Variants in CAT observed in about 807,000 individuals in gnomAD.
CAT encodes the protein epididymis secretory sperm binding protein.
Under a neutral mutation model 59.0 loss-of-function variants are expected in CAT, and 43 were observed. The observed-to-expected ratio is 0.73, with a 90% CI of 0.57 to 0.94. The LOEUF (loss-of-function observed/expected upper bound fraction) is 0.94. Ranked by LOEUF, CAT falls within the 40% of genes least tolerant of loss-of-function variation. The pLI, the probability that CAT is intolerant of heterozygous loss-of-function variation, is 0.00. For synonymous variants in CAT, 218 were observed against 230.9 expected (o/e 0.94, Z 0.51); for missense variants, 664 against 682.9 (o/e 0.97, Z 0.31).
intron 1 of CAT, among the ~76,000 whole-genome samples, chr11:34,439,296 TC>T (rs1303789391): frequency 6.6e-6 from 1 of 152,158 alleles, no homozygotes; most frequent in Non-Finnish European, 1.5e-5. Flanking sequence ...GGCTTTGTTG[TC>T]CGCGACAGGC....
intron 1 of CAT, among the ~76,000 whole-genome samples, chr11:34,443,879 C>T (rs1590298238): frequency 6.6e-6 from 1 of 152,216 alleles, no homozygotes; most frequent in East Asian, 1.9e-4. Flanking sequence ...AGTGACTTAA[C>T]CCTTGGTCCA....
At chr11:34,441,655 A>G (rs1856391881) in intron 1 of CAT, among the ~76,000 whole-genome samples, 1 of 152,148 alleles carries the variant, frequency 6.6e-6, no homozygotes, top group South Asian at 2.1e-4. Flanking sequence ...GTAGCCAGAC[A>G]TGGTGACACA....
Position 34,456,100 on chromosome 11 carries a change from CG to C in CAT, c.802del (p.Ala268ProfsTer17). Reference protein sequence around the residue: ...PDYGIRDLFNAIATGKYPSWT... With the variant: ...PDYGIRDLFNXIATGKYPSWT... ...ACTATGGCATCCGGGATCTTTTTAA[CG>C]CCATTGCCACAGGAAAGTACCCCTC... On this transcript the variant is annotated frameshift_variant, in exon 7 of 13. Coordinates refer to ENST00000241052, the MANE Select transcript of CAT (RefSeq NM_001752.4). LOFTEE classifies it high-confidence loss of function. 1 of 1,613,976 alleles carries C rather than the reference CG, an allele frequency of 6.2e-7. No homozygotes were observed. The highest frequency in any genetic ancestry group is 8.5e-7 in the Non-Finnish European group (1 of 1,179,900).
intron 9 of CAT, among the ~76,000 whole-genome samples, chr11:34,462,881 A>G (rs1039180422): frequency 7.2e-5 from 11 of 152,224 alleles, no homozygotes; most frequent in African/African-American, 2.7e-4. Context: ...TCAAAGAGCT[A>G]GTTCTTAATG....
intron 2 of CAT, among the ~76,000 whole-genome samples, chr11:34,450,462 G>T (rs1242599604): frequency 1.3e-5 from 2 of 152,196 alleles, no homozygotes; most frequent in Non-Finnish European, 2.9e-5. Flanking sequence ...CTCTTAGCTT[G>T]CTGACTTGGA....
chr11:34,471,062 C>A, intron 12 of CAT, 21 bp downstream of exon 12: 1 of 1,597,378 alleles, frequency 6.3e-7, no homozygotes, highest in Non-Finnish European at 8.6e-7. Flanking sequence ...AGCAGCCTGG[C>A]CATGCAGAGG....
At chr11:34,459,983 G>T (rs1429221742) in intron 8 of CAT, among the ~76,000 whole-genome samples, 1 of 152,178 alleles carries the variant, frequency 6.6e-6, no homozygotes, top group Non-Finnish European at 1.5e-5. Context: ...GCAAAATATT[G>T]ACAGAACACT....
intron 1 of CAT, among the ~76,000 whole-genome samples, chr11:34,444,630 G>A (rs961991289): frequency 2.6e-5 from 4 of 152,150 alleles, no homozygotes; most frequent in African/African-American, 9.7e-5. Context: ...GACTCCTCTG[G>A]GACTGATGGG....
At position 34,468,280 on chromosome 11, in the gene CAT, C is replaced by G. The variant is rs1162413691; in HGVS notation, c.1327-8C>G. On this transcript the variant is annotated splice_region_variant and splice_polypyrimidine_tract_variant and intron_variant, in intron 10 of 12. Coordinates refer to ENST00000241052, the MANE Select transcript of CAT (RefSeq NM_001752.4). ...CAATTCTCTGCACTTGCTCTTTTCT[C>G]TGAGCAGGTGCGGGCATTCTATGTG... 10 of 1,603,010 alleles carry G rather than the reference C, an allele frequency of 6.2e-6. No homozygotes were observed. The highest frequency in any genetic ancestry group is 6.8e-6 in the Non-Finnish European group (8 of 1,169,964).
At chr11:34,467,116 A>G (rs866964776) in intron 10 of CAT, among the ~76,000 whole-genome samples, 2 of 152,220 alleles carry the variant, frequency 1.3e-5, no homozygotes, top group Non-Finnish European at 1.5e-5. Flanking sequence ...TTTAAAATAA[A>G]CATACATATT....
chr11:34,457,495 C>T (rs973451380), intron 8 of CAT, among the ~76,000 whole-genome samples: 6 of 152,212 alleles, frequency 3.9e-5, no homozygotes, highest in South Asian at 2.1e-4. Context: ...CGTGAGCCAC[C>T]GTGGCTGGCC....
chr11:34,467,087 A>G (rs1856727780), intron 10 of CAT, among the ~76,000 whole-genome samples: 1 of 152,236 alleles, frequency 6.6e-6, no homozygotes, highest in African/African-American at 2.4e-5. Flanking sequence ...AATCATAGAC[A>G]TGATAATTGG....
intron 8 of CAT, among the ~76,000 whole-genome samples, chr11:34,458,361 C>G (rs762709485): frequency 2.0e-5 from 3 of 152,096 alleles, no homozygotes; most frequent in Non-Finnish European, 4.4e-5. Context: ...AAGCTTTCTT[C>G]AGTTTTGAGA....
chr11:34,471,448 A>G lies in CAT; in HGVS notation c.*15A>G. 1.2e-5 allele frequency: 19 copies of G among 1,611,772 alleles called. No individual in the cohort carries two copies. The highest frequency in any genetic ancestry group is 1.6e-5 in the Non-Finnish European group (19 of 1,177,904). ...CAAATCTGTGAGGCCGGGGCCCTGC[A>G]CCTGTGCAGCGAAGCTTAGCGTTCA... is the stretch of plus-strand genomic sequence containing the variant. On this transcript the variant is annotated 3_prime_UTR_variant, in exon 13 of 13. Transcript: ENST00000241052.
intron 9 of CAT, among the ~76,000 whole-genome samples, chr11:34,463,244 G>GA (rs956101351): frequency 6.0e-5 from 9 of 150,828 alleles, no homozygotes; most frequent in African/African-American, 9.7e-5. Context: ...ATGCTAAAAC[G>GA]AAAAAAAAGC....
chr11:34,448,734 G>A (rs1024608870), intron 1 of CAT, among the ~76,000 whole-genome samples: 3 of 152,194 alleles, frequency 2.0e-5, no homozygotes, highest in East Asian at 1.9e-4. Flanking sequence ...ACAAGGTAGC[G>A]CACTTGAAGA....
intron 5 of CAT, among the ~76,000 whole-genome samples, 158 bp from the exon 6 acceptor site, chr11:34,453,643 T>C (rs1285662156): frequency 6.6e-6 from 1 of 152,234 alleles, no homozygotes; most frequent in African/African-American, 2.4e-5. Flanking sequence ...TTTGTTATTT[T>C]CTACAAGTGA....
intron 11 of CAT, among the ~76,000 whole-genome samples, chr11:34,470,294 TG>T (rs1313256807): frequency 6.6e-6 from 1 of 152,138 alleles, no homozygotes; most frequent in Non-Finnish European, 1.5e-5. Flanking sequence ...AAGAGGGGCA[TG>T]GGGGAAGGCC....
intron 1 of CAT, 88 bp from the exon 2 acceptor site, chr11:34,449,104 A>T: frequency 8.7e-7 from 1 of 1,153,712 alleles, no homozygotes; most frequent in East Asian, 2.3e-5. Flanking sequence ...AGATGGTATA[A>T]ACATTGCAAA....
Sources: gnomAD v4.1 joint callset for allele counts (sites outside exome capture counted in the v4.1 genomes callset) on GRCh38, gnomAD v4.1.1 for gene constraint, MANE v1.5 for transcripts, NCBI Gene and HGNC (gene_info 2026-07-23, HGNC 2026-07-21) for gene names.